MCPH1: variants seen among roughly 807,000 people sequenced by gnomAD.
MCPH1 encodes microcephalin 1, also known as microcephalin.
A neutral mutation model predicts 84.5 loss-of-function variants in MCPH1; 104 were observed. The ratio of observed to expected loss-of-function variants is 1.23; its 90% CI spans 1.05 to 1.45. The LOEUF (loss-of-function observed/expected upper bound fraction) is 1.45. MCPH1 is among the 40% of genes most tolerant of loss of function. MCPH1 has a pLI of 0.00. For missense variants in MCPH1, 1,498 were observed against 1,005.7 expected, an observed-to-expected ratio of 1.49 and a Z score of -6.62; for synonymous variants, 514 against 366.8, an observed-to-expected ratio of 1.40 and a Z score of -4.58.
At chr8:6,620,448 C>G (rs772660825) in intron 12 of MCPH1, among the ~76,000 whole-genome samples, 5 of 152,110 alleles carry the variant, frequency 3.3e-5, no homozygotes, top group Non-Finnish European at 5.9e-5. Context: ...TTCCCCCAAC[C>G]TGCACCCTAC....
chr8:6,449,531 G>A (rs1325313519), intron 8 of MCPH1, among the ~76,000 whole-genome samples: 4 of 152,120 alleles, frequency 2.6e-5, no homozygotes, highest in Non-Finnish European at 5.9e-5. Context: ...TACTTGGGAG[G>A]CTGAGGCAGG....
chr8:6,477,269 C>G, intron 9 of MCPH1: 2 of 299,814 alleles, frequency 6.7e-6, no homozygotes, highest in South Asian at 8.9e-5. Flanking sequence ...CTTACCCTTT[C>G]TCACTTTGAA....
At chr8:6,507,462 A>G (rs571350462) in intron 12 of MCPH1, 16 of 152,262 alleles carry the variant, frequency 1.1e-4, no homozygotes, top group African/African-American at 3.8e-4. Context: ...TCAAGAACTA[A>G]CTTGACAGCA....
At chr8:6,596,242 T>C (rs1586745739) in intron 12 of MCPH1, among the ~76,000 whole-genome samples, 1 of 152,142 alleles carries the variant, frequency 6.6e-6, no homozygotes, top group East Asian at 1.9e-4. Flanking sequence ...TTGGACCAAG[T>C]CACTTCATCC....
chr8:6,485,505 G>T (rs1809776425), intron 11 of MCPH1, among the ~76,000 whole-genome samples: 1 of 151,578 alleles, frequency 6.6e-6, no homozygotes, highest in African/African-American at 2.4e-5. Context: ...TAGCACTGAA[G>T]CTTCATCCCA....
chr8:6,465,921 A>T (rs7817926), intron 9 of MCPH1, among the ~76,000 whole-genome samples: 1 of 109,702 alleles, frequency 9.1e-6, no homozygotes, highest in East Asian at 2.7e-4. Flanking sequence ...AATTTTATCT[A>T]TCGATCCATC....
chr8:6,621,504 C>G lies in MCPH1; in HGVS notation c.2265C>G (p.Leu755=), dbSNP rs778371848. The change falls in exon 13 of 14, where the codon CTC becomes CTG. Residue 755 remains leucine (L), a synonymous_variant. Transcript: ENST00000344683. ...HLSAGPYRGT[L]FADQPAMFVS... ...CTGCAGGGCCGTACCGCGGAACCCT[C>G]TTTGCCGACCAGCCAGCGATGTTTG... The G allele has an allele frequency of 1.9e-6, 3 of 1,614,048 alleles. No homozygotes were observed. The African/African-American group carries it at 4.0e-5, about 22-fold the overall frequency.
chr8:6,506,878 A>C (rs1405471774), intron 12 of MCPH1, among the ~76,000 whole-genome samples: 1 of 151,482 alleles, frequency 6.6e-6, no homozygotes, highest in Non-Finnish European at 1.5e-5. Context: ...TCATTACTAA[A>C]TCCTCCTTTT....
intron 3 of MCPH1, among the ~76,000 whole-genome samples, chr8:6,426,972 G>T (rs1801149226): frequency 6.6e-6 from 1 of 152,142 alleles, no homozygotes; most frequent in Admixed American, 6.5e-5. Flanking sequence ...AGGTGATTTT[G>T]TTGTTGTGGA....
chr8:6,643,004 C>A lies in MCPH1; in HGVS notation c.2463C>A (p.Thr821=), dbSNP rs764137311. ...LSEKWVLDSI[T]QHKVCAPENY... ...TCGCTCTCTCTCTAGATTCCATCAC[C>A]CAGCACAAGGTCTGTGCCCCTGAAA... The change falls in exon 14 of 14, where the codon ACC becomes ACA. Residue 821 remains threonine, a synonymous_variant. Coordinates refer to ENST00000344683, the MANE Select transcript of MCPH1 (RefSeq NM_024596.5). The A allele has an allele frequency of 1.4e-5, 22 of 1,614,056 alleles. No individual in the cohort carries two copies. Among genetic ancestry groups the A allele is most frequent in the Non-Finnish European group, 1.9e-5 (22 of 1,179,956 alleles).
At chr8:6,480,547 G>A (rs958160415) in intron 10 of MCPH1, among the ~76,000 whole-genome samples, 167 bp from the exon 11 acceptor site, 3 of 152,114 alleles carry the variant, frequency 2.0e-5, no homozygotes, top group East Asian at 1.9e-4. Context: ...ATTTCCCCAG[G>A]TTTCAAAGCA....
intron 12 of MCPH1, chr8:6,520,067 A>T: frequency 6.5e-7 from 1 of 1,544,282 alleles, no homozygotes; most frequent in South Asian, 1.2e-5. Context: ...AGAGCCAATC[A>T]TTTGGTGAGT....
chr8:6,628,903 G>C (rs1796959976), intron 13 of MCPH1, among the ~76,000 whole-genome samples: 3 of 152,220 alleles, frequency 2.0e-5, no homozygotes, highest in South Asian at 2.1e-4. Flanking sequence ...GACTGTAGGA[G>C]AGATTTTCCT....
intron 12 of MCPH1, among the ~76,000 whole-genome samples, chr8:6,592,641 T>TTTTTTTTTG (rs1238168977): frequency 4.3e-4 from 46 of 107,454 alleles, no homozygotes; most frequent in East Asian, 1.4e-3. Flanking sequence ...TTTTTTTTTT[T>TTTTTTTTTG]TTGTTGCTGT....
intron 12 of MCPH1, among the ~76,000 whole-genome samples, chr8:6,504,543 A>G (rs1025791601): frequency 6.6e-6 from 1 of 152,118 alleles, no homozygotes; most frequent in East Asian, 1.9e-4. Flanking sequence ...AGTAACGCTT[A>G]TTTGACTTAA....
chr8:6,518,969 C>A (rs1282432902), intron 12 of MCPH1, among the ~76,000 whole-genome samples: 2 of 151,998 alleles, frequency 1.3e-5, no homozygotes, highest in Non-Finnish European at 2.9e-5. Flanking sequence ...AGGAGTCAGG[C>A]TCTCTGAGTG....
chr8:6,539,544 A>T (rs186417848), intron 12 of MCPH1, among the ~76,000 whole-genome samples: 1 of 152,052 alleles, frequency 6.6e-6, no homozygotes. Flanking sequence ...CCTGAAATGG[A>T]TCTGTTCTGA....
At chr8:6,522,954 C>G (rs1326775739) in intron 12 of MCPH1, among the ~76,000 whole-genome samples, 1 of 151,952 alleles carries the variant, frequency 6.6e-6, no homozygotes, top group Non-Finnish European at 1.5e-5. Context: ...ATGGCATGTA[C>G]TTAATACATA....
intron 12 of MCPH1, among the ~76,000 whole-genome samples, chr8:6,515,745 A>C (rs1816140448): frequency 6.6e-6 from 1 of 152,250 alleles, no homozygotes; most frequent in East Asian, 1.9e-4. Flanking sequence ...GTTAAGGTTC[A>C]AAACCAATTG....
Sources: gnomAD v4.1 joint callset for allele counts (sites outside exome capture counted in the v4.1 genomes callset) on GRCh38, gnomAD v4.1.1 for gene constraint, MANE v1.5 for transcripts, NCBI Gene and HGNC (gene_info 2026-07-23, HGNC 2026-07-21) for gene names.